NDUFB9: variants seen among roughly 807,000 people sequenced by gnomAD.
The protein encoded by NDUFB9 is NADH:ubiquinone oxidoreductase subunit B9.
In NDUFB9, 24 loss-of-function variants were observed where a neutral mutation model predicts 30.2. The observed-to-expected ratio is 0.80, with a 90% CI of 0.58 to 1.12. The LOEUF is 1.12. Ranked by LOEUF, NDUFB9 falls within the 50% of genes most tolerant of loss-of-function variation. The pLI is 0.00. For synonymous variants in NDUFB9, 80 were observed against 84.0 expected (o/e 0.95, Z 0.26); for missense variants, 204 against 226.0 (o/e 0.90, Z 0.62).
intron 1 of NDUFB9, chr8:124,539,547 C>A: frequency 2.0e-6 from 1 of 492,534 alleles, no homozygotes; most frequent in Non-Finnish European, 3.7e-6. Flanking sequence ...CGCAGAGGGT[C>A]GCAGGAAAAT....
intron 1 of NDUFB9, among the ~76,000 whole-genome samples, chr8:124,540,652 A>G (rs1442389216): frequency 2.0e-5 from 3 of 152,236 alleles, no homozygotes; most frequent in African/African-American, 7.2e-5. Context: ...GAGGAAAATG[A>G]TATAAACTAG....
intron 2 of NDUFB9, 140 bp from the exon 3 acceptor site, chr8:124,546,860 C>A: frequency 1.3e-6 from 1 of 753,314 alleles, no homozygotes; most frequent in Non-Finnish European, 2.4e-6. Flanking sequence ...CTGTTCCTTG[C>A]TTAGAGTTAG....
intron 3 of NDUFB9, chr8:124,547,471 A>T: frequency 3.5e-6 from 2 of 571,968 alleles, no homozygotes; most frequent in Non-Finnish European, 6.2e-6. Context: ...TAAAAGCTCA[A>T]TCTTGCTGTA....
Position 124,543,115 on chromosome 8 carries a change from A to T in NDUFB9, c.130A>T (p.Met44Leu). 6.2e-7 allele frequency: 1 copy of T among 1,614,206 alleles called. No homozygotes were observed. The part of the protein sequence containing the change: ...RDKYRYFACL[M>L]RARFEEHKNE... ...CAAATACCGATACTTTGCTTGTTTG[A>T]TGAGAGCCCGGTTTGAAGAACATAA... is the stretch of plus-strand genomic sequence containing the variant. Residue 44 changes from methionine to leucine, a missense_variant, in exon 2 of 4, where the codon ATG becomes TTG. Met to Leu is a conservative substitution (Grantham distance 15). Transcript: ENST00000276689.
chr8:124,539,434 G>T (rs1821825779), intron 1 of NDUFB9, 147 bp downstream of exon 1: 1 of 732,046 alleles, frequency 1.4e-6, no homozygotes, highest in Non-Finnish European at 2.4e-6. Flanking sequence ...GGTAGACCCG[G>T]GTTCAAATCC....
chr8:124,547,713 C>T (rs1822195993), intron 3 of NDUFB9, among the ~76,000 whole-genome samples: 1 of 152,056 alleles, frequency 6.6e-6, no homozygotes, highest in African/African-American at 2.4e-5. Context: ...GGTGCGGTGG[C>T]TCACACCTAT....
rs574742952 is a variant in NDUFB9 at position 124,547,133 on chromosome 8, C to T, written c.408+20C>T. On this transcript the variant is annotated intron_variant, in intron 3 of 3. Coordinates refer to ENST00000276689, the MANE Select transcript of NDUFB9 (RefSeq NM_005005.3). ...CGAGAGGTGCGTTCTACTTGTACTT[C>T]GTTATTCCTTAGCTATGTAGATGGA... 1.9e-4 allele frequency: 300 copies of T among 1,571,772 alleles called. 4 individuals are homozygous for T. In the South Asian group the frequency reaches 2.9e-3, roughly 15 times the overall value.
At chr8:124,541,925 T>TTG (rs1563706354) in intron 1 of NDUFB9, among the ~76,000 whole-genome samples, 30 of 148,688 alleles carry the variant, frequency 2.0e-4, no homozygotes, top group Non-Finnish European at 2.4e-4. Context: ...TGTTGTTGTT[T>TTG]TTTTTTGAGA....
At chr8:124,539,426 T>C in intron 1 of NDUFB9, 139 bp downstream of exon 1, 1 of 760,638 alleles carries the variant, frequency 1.3e-6, no homozygotes. Flanking sequence ...AATCCTATGG[T>C]AGACCCGGGT....
At chr8:124,544,376 T>C (rs1224651827) in intron 2 of NDUFB9, among the ~76,000 whole-genome samples, 4 of 152,254 alleles carry the variant, frequency 2.6e-5, no homozygotes, top group African/African-American at 4.8e-5. Context: ...CTGGCTAAGA[T>C]AGTTGATGAA....
intron 1 of NDUFB9, chr8:124,542,807 CTTTTT>C (rs58685573): frequency 0.016 from 3,284 of 203,044 alleles, 1 homozygote; most frequent in South Asian, 0.039. Flanking sequence ...ATGCTCTTTT[CTTTTT>C]TTTTTTTTTT....
At chr8:124,546,406 A>G (rs181186771) in intron 2 of NDUFB9, among the ~76,000 whole-genome samples, 34 of 152,352 alleles carry the variant, frequency 2.2e-4, no homozygotes, top group African/African-American at 7.7e-4. Context: ...TATAGTATAA[A>G]CAAAACTTTT....
intron 1 of NDUFB9, 47 bp from the exon 2 acceptor site, chr8:124,543,040 A>G: frequency 1.3e-6 from 2 of 1,595,344 alleles, no homozygotes; most frequent in Non-Finnish European, 1.7e-6. Flanking sequence ...AACACTGACC[A>G]CGTGAGTAGG....
intron 3 of NDUFB9, 111 bp from the exon 4 acceptor site, chr8:124,549,650 G>A (rs1187795942): frequency 1.0e-6 from 1 of 987,864 alleles, no homozygotes; most frequent in Non-Finnish European, 1.6e-6. Flanking sequence ...CAGATAGTGT[G>A]TAATGTCAGT....
rs148574317 is a variant in NDUFB9 at position 124,543,746 on chromosome 8, G to A, written c.294+467G>A. ...ATGTGCGTGTGCTGACTGTTTCACC[G>A]ACCAATAGTTCCTCCGCCTCTATCC... is the stretch of plus-strand genomic sequence containing the variant. On this transcript the variant is annotated intron_variant, in intron 2 of 3. Transcript: ENST00000276689. 4.0e-3 allele frequency among the ~76,000 whole-genome samples: 610 copies of A among 152,228 alleles called. 1 individual carries two copies. Among genetic ancestry groups the A allele is most frequent in the Non-Finnish European group, 7.3e-3 (497 of 68,018 alleles).
At chr8:124,543,408 T>C (rs1364394254) in intron 2 of NDUFB9, 129 bp downstream of exon 2, 13 of 882,256 alleles carry the variant, frequency 1.5e-5, no homozygotes, top group Non-Finnish European at 3.6e-6. Context: ...AGTTGTCAGA[T>C]GCAGGCCTAC....
chr8:124,549,894 AAG>A lies in NDUFB9; in HGVS notation c.*10_*11del, dbSNP rs1466889676. On this transcript the variant is annotated 3_prime_UTR_variant, in exon 4 of 4. Transcript: ENST00000276689. ...AGACCCCGGGAGCGGCCCATGTAGA[AAG>A]AGAGAGACCTCATCTTTCATGCTTG... 9 of 1,614,180 alleles carry A rather than the reference AAG, an allele frequency of 5.6e-6. No homozygotes were observed. The East Asian group carries it at 1.3e-4, about 24-fold the overall frequency.
intron 2 of NDUFB9, among the ~76,000 whole-genome samples, chr8:124,544,447 A>G (rs140011324): frequency 4.6e-5 from 7 of 152,344 alleles, no homozygotes; most frequent in African/African-American, 1.7e-4. Flanking sequence ...TTGGAATAAG[A>G]TACCATGTAG....
At chr8:124,541,692 C>T (rs1412843242) in intron 1 of NDUFB9, among the ~76,000 whole-genome samples, 1 of 152,194 alleles carries the variant, frequency 6.6e-6, no homozygotes, top group Non-Finnish European at 1.5e-5. Context: ...CAAGTTCCGT[C>T]TCCCGGGTTC....
Sources: gnomAD v4.1 joint callset for allele counts (sites outside exome capture counted in the v4.1 genomes callset) on GRCh38, gnomAD v4.1.1 for gene constraint, MANE v1.5 for transcripts, NCBI Gene and HGNC (gene_info 2026-07-23, HGNC 2026-07-21) for gene names.